The following RYR2 variants were observed in gnomAD, a reference collection of about 807,000 sequenced individuals.
The protein encoded by RYR2 is ryanodine receptor 2.
RYR2 carries 227 observed loss-of-function variants against 601.1 expected under a neutral mutation model. The observed-to-expected ratio is 0.38, with a 90% CI of 0.34 to 0.42. The LOEUF (loss-of-function observed/expected upper bound fraction) is 0.42. Ranked by LOEUF, RYR2 falls within the 10% of genes least tolerant of loss-of-function variation. The pLI, the probability that RYR2 is intolerant of heterozygous loss-of-function variation, is 1.00. For missense variants in RYR2, 4,646 were observed against 6,156.5 expected (o/e 0.75, Z 8.21); for synonymous variants, 2,223 against 2,175.1 (o/e 1.02, Z -0.61).
At chr1:237,051,223 C>A (rs189899132) in intron 1 of RYR2, among the ~76,000 whole-genome samples, 6,628 of 107,436 alleles carry the variant, frequency 0.062, 214 homozygotes, top group Middle Eastern at 0.16. Context: ...CTCTCCCCCC[C>A]CTTCCTCCCC....
rs969338309 is a variant in RYR2 at position 237,715,174 on chromosome 1, G to A, written c.10324-2024G>A. On this transcript the variant is annotated intron_variant, in intron 71 of 104. Coordinates refer to ENST00000366574, the MANE Select transcript of RYR2 (RefSeq NM_001035.3). ...AGTGTGCAAATTCATTAGCTTTAGC[G>A]GCTCTGTTTAAATTATTGAGCTGCG... Among the ~76,000 whole-genome samples, 8 of 151,962 alleles carry A rather than the reference G, an allele frequency of 5.3e-5. No homozygotes were observed. The East Asian group carries it at 9.7e-4, about 18-fold the overall frequency.
chr1:237,613,837 C>T (rs1678164618), intron 36 of RYR2, among the ~76,000 whole-genome samples: 1 of 152,140 alleles, frequency 6.6e-6, no homozygotes, highest in African/African-American at 2.4e-5. Flanking sequence ...AAGTATAATG[C>T]AAACATTTCA....
chr1:237,814,725 T>C (rs1276779484), intron 100 of RYR2, among the ~76,000 whole-genome samples: 1 of 152,094 alleles, frequency 6.6e-6, no homozygotes, highest in Non-Finnish European at 1.5e-5. Context: ...GGAGTCTGAC[T>C]TGACATATAG....
chr1:237,567,821 G>C (rs778808473), intron 28 of RYR2, among the ~76,000 whole-genome samples: 18 of 151,940 alleles, frequency 1.2e-4, no homozygotes, highest in Admixed American at 5.9e-4. Flanking sequence ...TTGACGTTTG[G>C]ATATTTCTTG....
At chr1:237,200,885 A>T (rs1300493828) in intron 1 of RYR2, among the ~76,000 whole-genome samples, 1 of 152,146 alleles carries the variant, frequency 6.6e-6, no homozygotes, top group African/African-American at 2.4e-5. Context: ...TTTAGTTGTG[A>T]TTCTCTCAGT....
chr1:237,340,391 TAAAG>T (rs1334430434), intron 3 of RYR2, among the ~76,000 whole-genome samples: 1 of 152,128 alleles, frequency 6.6e-6, no homozygotes, highest in East Asian at 1.9e-4. Context: ...AATCTAATAA[TAAAG>T]AGAGAAGATA....
chr1:237,585,566 G>A (rs1452508367), intron 29 of RYR2, among the ~76,000 whole-genome samples: 4 of 152,172 alleles, frequency 2.6e-5, no homozygotes, highest in Admixed American at 2.6e-4. Flanking sequence ...TGATCCCATT[G>A]CCACATAGTT....
At chr1:237,447,985 T>A (rs1455962852) in intron 14 of RYR2, among the ~76,000 whole-genome samples, 1 of 150,856 alleles carries the variant, frequency 6.6e-6, no homozygotes. Flanking sequence ...TAGAGTGCAA[T>A]GGCCCTATCT....
At position 237,680,528 on chromosome 1, in the gene RYR2, C is replaced by T. The variant is rs746439954; in HGVS notation, c.8968C>T (p.Leu2990Phe). Residue 2990 changes from leucine to phenylalanine, a missense_variant, in exon 62 of 105, where the codon CTC becomes TTC. Leu to Phe is a conservative substitution (Grantham distance 22). This residue lies in a region of RYR2 where 1,497 missense variants were observed against 1,842.6 expected (regional missense o/e 0.81). Coordinates refer to ENST00000366574, the MANE Select transcript of RYR2 (RefSeq NM_001035.3). ...CTTCTTATCTGCAGCAAGCAGACCT[C>T]TCTGCTCTGGAGGACATGCTTCCAA... ...LYFLSAASRP[L>F]CSGGHASNKE... The T allele has an allele frequency of 5.0e-6, 8 of 1,601,468 alleles. No individual in the cohort carries two copies. Among genetic ancestry groups the T allele is most frequent in the Middle Eastern group, 1.7e-4 (1 of 6,032 alleles).
intron 100 of RYR2, among the ~76,000 whole-genome samples, chr1:237,817,794 G>A (rs1228610241): frequency 6.6e-6 from 1 of 152,192 alleles, no homozygotes; most frequent in Non-Finnish European, 1.5e-5. Flanking sequence ...AAGCAGAGGA[G>A]TGTGGTGTTT....
chr1:237,457,152 T>C (rs1028367878), intron 16 of RYR2, among the ~76,000 whole-genome samples: 1 of 152,176 alleles, frequency 6.6e-6, no homozygotes, highest in African/African-American at 2.4e-5. Flanking sequence ...GGCCTTTATA[T>C]GGATGTGTGT....
At chr1:237,082,290 CTAAGCACTAAGCAT>C in intron 1 of RYR2, among the ~76,000 whole-genome samples, 1 of 150,622 alleles carries the variant, frequency 6.6e-6, no homozygotes, top group African/African-American at 2.5e-5. Flanking sequence ...AGCCTAAGCA[CTAAGCACTAAGCAT>C]GACTCTATTC....
At chr1:237,090,115 C>T (rs1031523322) in intron 1 of RYR2, among the ~76,000 whole-genome samples, 1 of 152,102 alleles carries the variant, frequency 6.6e-6, no homozygotes, top group African/African-American at 2.4e-5. Flanking sequence ...CACTTACTGT[C>T]ACCAGAACAG....
intron 17 of RYR2, among the ~76,000 whole-genome samples, chr1:237,473,459 T>TTCTATCTA (rs1239870950): frequency 7.3e-6 from 1 of 136,570 alleles, no homozygotes; most frequent in Non-Finnish European, 1.6e-5. Flanking sequence ...CTTTCTTTCT[T>TTCTATCTA]TCTATCTATC....
intron 1 of RYR2, among the ~76,000 whole-genome samples, chr1:237,234,488 G>T (rs184939607): frequency 1.3e-5 from 2 of 152,232 alleles, no homozygotes; most frequent in East Asian, 3.9e-4. Flanking sequence ...TAAAGTATCT[G>T]TTCGGTGGGA....
At chr1:237,311,954 T>C (rs1694611965) in intron 2 of RYR2, among the ~76,000 whole-genome samples, 1 of 152,290 alleles carries the variant, frequency 6.6e-6, no homozygotes, top group East Asian at 1.9e-4. Context: ...TTAAAAAACA[T>C]GTGGACAACA....
chr1:237,342,085 A>C (rs1190329919), intron 3 of RYR2, among the ~76,000 whole-genome samples: 1 of 152,192 alleles, frequency 6.6e-6, no homozygotes, highest in African/African-American at 2.4e-5. Context: ...CACGCATACA[A>C]AATCTTGTAT....
intron 17 of RYR2, among the ~76,000 whole-genome samples, chr1:237,483,003 T>C (rs1470327042): frequency 1.3e-5 from 2 of 152,332 alleles, no homozygotes; most frequent in East Asian, 1.9e-4. Flanking sequence ...TGCAAAACTT[T>C]CTGTGGTTCT....
intron 100 of RYR2, among the ~76,000 whole-genome samples, chr1:237,811,135 G>A (rs1370796499): frequency 6.6e-6 from 1 of 152,162 alleles, no homozygotes; most frequent in East Asian, 1.9e-4. Context: ...TCCCCACCAT[G>A]TTATAGAAGA....
Sources: gnomAD v4.1 joint callset for allele counts (sites outside exome capture counted in the v4.1 genomes callset) on GRCh38, gnomAD v4.1.1 for gene constraint, gnomAD v4.1.1 regional missense constraint, MANE v1.5 for transcripts, NCBI Gene and HGNC (gene_info 2026-07-23, HGNC 2026-07-21) for gene names.